PDE3A: variants seen among roughly 807,000 people sequenced by gnomAD.
The protein encoded by PDE3A is phosphodiesterase 3A, also known as cGMP-inhibited 3',5'-cyclic phosphodiesterase 3A.
A neutral mutation model predicts 98.3 loss-of-function variants in PDE3A; 43 were observed. The observed-to-expected ratio is 0.44, with a 90% CI of 0.34 to 0.56. The LOEUF is 0.56. Ranked by LOEUF, PDE3A falls within the 20% of genes least tolerant of loss-of-function variation. The pLI, the probability that PDE3A is intolerant of heterozygous loss-of-function variation, is 0.01. For missense variants in PDE3A, 1,427 were observed against 1,440.7 expected (o/e 0.99, Z 0.15); for synonymous variants, 663 against 567.9 (o/e 1.17, Z -2.38).
Position 20,370,070 on chromosome 12 carries a change from C to G in PDE3A, c.786C>G (p.Ser262=). The part of the protein sequence containing the change: ...ARYVEQILPQ[S]AEAAPREHLG... The stretch of plus-strand genomic sequence containing the variant: ...ACGTGGAACAAATCTTGCCGCAGTC[C>G]GCGGAGGCGGCTCCAAGGGAGCATT... The change falls in exon 1 of 16, where the codon TCC becomes TCG. Residue 262 remains serine, a synonymous_variant. Coordinates refer to ENST00000359062, the MANE Select transcript of PDE3A (RefSeq NM_000921.5). The G allele has an allele frequency of 6.2e-7, 1 of 1,612,712 alleles. No homozygotes were observed. Among genetic ancestry groups the G allele is most frequent in the East Asian group, 2.2e-5 (1 of 44,784 alleles).
intron 1 of PDE3A, among the ~76,000 whole-genome samples, chr12:20,530,247 G>A (rs1211555490): frequency 1.3e-5 from 2 of 152,036 alleles, no homozygotes; most frequent in Non-Finnish European, 2.9e-5. Context: ...ATAAGTTATA[G>A]CTGATAACAC....
chr12:20,525,901 A>ATTTC (rs2121167866), intron 1 of PDE3A, among the ~76,000 whole-genome samples: 1 of 152,320 alleles, frequency 6.6e-6, no homozygotes, highest in East Asian at 1.9e-4. Context: ...CTGCAGAAAA[A>ATTTC]TTTCTTACTT....
chr12:20,615,867 A>G (rs1474544104), intron 3 of PDE3A, among the ~76,000 whole-genome samples: 1 of 152,090 alleles, frequency 6.6e-6, no homozygotes, highest in African/African-American at 2.4e-5. Flanking sequence ...CTGAGATTAC[A>G]GGCACCCACC....
At chr12:20,511,443 CACAT>C (rs946637570) in intron 1 of PDE3A, among the ~76,000 whole-genome samples, 14 of 150,554 alleles carry the variant, frequency 9.3e-5, no homozygotes, top group Admixed American at 2.6e-4. Context: ...CACACACACA[CACAT>C]ACACACACAC....
At chr12:20,662,300 C>T (rs1945192101) in intron 15 of PDE3A, among the ~76,000 whole-genome samples, 1 of 152,010 alleles carries the variant, frequency 6.6e-6, no homozygotes, top group African/African-American at 2.4e-5. Context: ...GGACAATAAA[C>T]TCCAGGCTGA....
Position 20,369,258 on chromosome 12 carries a change from A to G in PDE3A, c.-27A>G. 1 of 1,458,616 alleles carries G rather than the reference A, an allele frequency of 6.9e-7. No individual in the cohort carries two copies. The highest frequency in any genetic ancestry group is 9.1e-7 in the Non-Finnish European group (1 of 1,097,608). The allele number at this position is 1,458,616 out of a possible 1,614,324, so 90.4% of individuals were successfully genotyped here. On this transcript the variant is annotated 5_prime_UTR_variant, in exon 1 of 16. Transcript: ENST00000359062. ...GCGGGGGCGTCGGGGGGCCACTGGG[A>G]ATTCAGTGAAGAGGGCACCCTATAC...
At chr12:20,468,997 T>G (rs1435926949) in intron 1 of PDE3A, among the ~76,000 whole-genome samples, 1 of 152,218 alleles carries the variant, frequency 6.6e-6, no homozygotes, top group Non-Finnish European at 1.5e-5. Flanking sequence ...AATTCCACAC[T>G]GCACTGGAGG....
chr12:20,638,129 T>C (rs1324157114), intron 9 of PDE3A, among the ~76,000 whole-genome samples: 1 of 151,634 alleles, frequency 6.6e-6, no homozygotes, highest in East Asian at 2.0e-4. Context: ...TGCAAAACAA[T>C]AGAAGAGAAA....
chr12:20,593,833 G>A (rs764974862), intron 2 of PDE3A, among the ~76,000 whole-genome samples: 3 of 152,108 alleles, frequency 2.0e-5, no homozygotes, highest in Admixed American at 6.6e-5. Context: ...ACAGATTAGC[G>A]GGTACTGTAT....
At chr12:20,509,180 T>G (rs533882189) in intron 1 of PDE3A, among the ~76,000 whole-genome samples, 1 of 152,212 alleles carries the variant, frequency 6.6e-6, no homozygotes, top group South Asian at 2.1e-4. Flanking sequence ...TATATTAATC[T>G]GCTTCTATCC....
intron 9 of PDE3A, among the ~76,000 whole-genome samples, chr12:20,637,921 G>A (rs867090723): frequency 2.0e-5 from 3 of 152,102 alleles, no homozygotes; most frequent in East Asian, 1.9e-4. Context: ...AATAGCTATC[G>A]AAATACACAC....
At chr12:20,671,969 AT>A (rs1945495006) in intron 15 of PDE3A, among the ~76,000 whole-genome samples, 2 of 147,952 alleles carry the variant, frequency 1.4e-5, no homozygotes, top group South Asian at 4.3e-4. Flanking sequence ...TCAGCCCAAA[AT>A]CTCCTTAAGC....
At chr12:20,567,925 A>G (rs1029634124) in intron 2 of PDE3A, among the ~76,000 whole-genome samples, 2 of 152,018 alleles carry the variant, frequency 1.3e-5, no homozygotes, top group African/African-American at 4.8e-5. Flanking sequence ...ACAAGAGAGG[A>G]AAAAAGCATT....
chr12:20,671,059 T>C lies in PDE3A; in HGVS notation c.3185-8971T>C, dbSNP rs953306059. On this transcript the variant is annotated intron_variant, in intron 15 of 15. Coordinates refer to ENST00000359062, the MANE Select transcript of PDE3A (RefSeq NM_000921.5). ...AGAAATACGCACTACCATCAGAGAA[T>C]ACTACAAACACCTCTACGCAAATAA... 2.4e-4 allele frequency among the ~76,000 whole-genome samples: 29 copies of C among 123,042 alleles called. 2 individuals are homozygous for C. The highest frequency in any genetic ancestry group is 3.8e-4 in the Non-Finnish European group (23 of 60,144). The allele number at this position is 123,042 out of a possible 152,430, so 80.7% of individuals were successfully genotyped here.
chr12:20,445,242 G>A (rs1196372790), intron 1 of PDE3A, among the ~76,000 whole-genome samples: 2 of 152,200 alleles, frequency 1.3e-5, no homozygotes, highest in Non-Finnish European at 2.9e-5. Context: ...AGGAATAACT[G>A]TTAGCAGCTG....
At chr12:20,633,494 C>G (rs1192265069) in intron 6 of PDE3A, among the ~76,000 whole-genome samples, 199 bp from the exon 7 acceptor site, 1 of 152,132 alleles carries the variant, frequency 6.6e-6, no homozygotes, top group Admixed American at 6.5e-5. Context: ...GTATTGATTA[C>G]TCTCTCACAA....
Position 20,369,363 on chromosome 12 carries a change from C to T in PDE3A, c.79C>T (p.Arg27Trp). 1.3e-6 allele frequency: 2 copies of T among 1,549,096 alleles called. No homozygotes were observed. The highest frequency in any genetic ancestry group is 1.8e-4 in the Middle Eastern group (1 of 5,548). Residue 27 changes from arginine (R) to tryptophan (W), a missense_variant, in exon 1 of 16, where the codon CGG becomes TGG. By Grantham distance (101) the Arg-to-Trp change is moderately radical. This residue lies in a region of PDE3A where 1,012 missense variants were observed against 886.5 expected (regional missense o/e 1.14). Coordinates refer to ENST00000359062, the MANE Select transcript of PDE3A (RefSeq NM_000921.5). ...GGTGAGTCAAGCCCCCACGGCGGGC[C>T]GGGACTGCCACCATCGTGCGGACCC... Reference protein sequence around the residue: ...SGVSQAPTAGRDCHHRADPAS... With the variant: ...SGVSQAPTAGWDCHHRADPAS...
At chr12:20,647,431 A>ATT (rs11291561) in intron 12 of PDE3A, among the ~76,000 whole-genome samples, 34 of 151,830 alleles carry the variant, frequency 2.2e-4, no homozygotes, top group Non-Finnish European at 4.1e-4. Flanking sequence ...AGGATTTTTT[A>ATT]TTTTTTTTGC....
chr12:20,523,256 A>G (rs1056295044), intron 1 of PDE3A, among the ~76,000 whole-genome samples: 1 of 152,030 alleles, frequency 6.6e-6, no homozygotes, highest in African/African-American at 2.4e-5. Context: ...CTTGACTTTC[A>G]CAGGCCAGGG....
Sources: allele counts gnomAD v4.1 joint callset (sites outside exome capture counted in the v4.1 genomes callset), GRCh38; gene constraint gnomAD v4.1.1; regional missense constraint gnomAD v4.1.1; transcripts MANE v1.5; gene names NCBI Gene and HGNC (gene_info 2026-07-23, HGNC 2026-07-21).